Variants in CFAP299 observed in about 807,000 individuals in gnomAD.
CFAP299 encodes cilia- and flagella-associated protein 299.
A neutral mutation model predicts 27.0 loss-of-function variants in CFAP299; 21 were observed. The observed-to-expected ratio is 0.78, with a 90% CI of 0.55 to 1.12. The LOEUF (loss-of-function observed/expected upper bound fraction) is 1.12. Among genes scored for constraint, CFAP299 ranks in the 50% most tolerant of loss-of-function variants. The pLI, the probability that CFAP299 is intolerant of heterozygous loss-of-function variation, is 0.00. For synonymous variants in CFAP299, 104 were observed against 98.1 expected (o/e 1.06, Z -0.36); for missense variants, 310 against 276.6 (o/e 1.12, Z -0.86).
At chr4:80,917,633 C>T (rs1224599799) in intron 4 of CFAP299, among the ~76,000 whole-genome samples, 1 of 152,118 alleles carries the variant, frequency 6.6e-6, no homozygotes, top group African/African-American at 2.4e-5. Context: ...TAGTCACCAC[C>T]AGCAGTTGCC....
intron 2 of CFAP299, among the ~76,000 whole-genome samples, chr4:80,364,089 A>AACACACACACCCACACACACAC (rs371907109): frequency 9.0e-6 from 1 of 110,844 alleles, no homozygotes; most frequent in African/African-American, 3.8e-5. Context: ...TCCGTCTCAA[A>AACACACACACCCACACACACAC]ACACACACAC....
At chr4:80,883,796 G>A (rs919783019) in intron 4 of CFAP299, among the ~76,000 whole-genome samples, 1 of 152,108 alleles carries the variant, frequency 6.6e-6, no homozygotes, top group Admixed American at 6.6e-5. Flanking sequence ...GATTTGAAGG[G>A]AGAGATAGCA....
At chr4:80,567,825 A>G (rs1408875558) in intron 2 of CFAP299, among the ~76,000 whole-genome samples, 2 of 151,418 alleles carry the variant, frequency 1.3e-5, no homozygotes, top group Non-Finnish European at 1.5e-5. Flanking sequence ...CATAATTAGA[A>G]TGATGCTTGA....
At chr4:80,831,456 A>G (rs924581048) in intron 3 of CFAP299, among the ~76,000 whole-genome samples, 7 of 152,204 alleles carry the variant, frequency 4.6e-5, no homozygotes, top group African/African-American at 1.7e-4. Context: ...AAACTTCCCA[A>G]CGAGGCCAAT....
intron 2 of CFAP299, among the ~76,000 whole-genome samples, chr4:80,392,588 C>T (rs1360058367): frequency 2.0e-5 from 3 of 151,966 alleles, no homozygotes; most frequent in Non-Finnish European, 2.9e-5. Context: ...TCCTTGCTGC[C>T]GTCATGTGAA....
At chr4:80,932,476 C>T (rs78502106) in intron 4 of CFAP299, among the ~76,000 whole-genome samples, 5,817 of 151,938 alleles carry the variant, frequency 0.038, 221 homozygotes, top group African/African-American at 0.097. Flanking sequence ...AAAAAATTAG[C>T]CTATTACAGA....
intron 2 of CFAP299, among the ~76,000 whole-genome samples, chr4:80,454,458 C>T (rs1729052751): frequency 6.6e-6 from 1 of 152,086 alleles, no homozygotes; most frequent in South Asian, 2.1e-4. Context: ...GAGCAAATAC[C>T]TCAAATTCTG....
In CFAP299 at chr4:80,933,977, G is replaced by A. The variant is rs573218377; in HGVS notation, c.477-10833G>A. On this transcript the variant is annotated intron_variant, in intron 4 of 5. Coordinates refer to ENST00000358105, the MANE Select transcript of CFAP299 (RefSeq NM_152770.3). ...TTACAGCACTACATTGAATATAAAT[G>A]GTGAGAGTAGGCATCCTTGTCTTGT... Among the ~76,000 whole-genome samples the A allele has an allele frequency of 2.0e-3, 307 of 152,166 alleles. 1 individual carries two copies. Among genetic ancestry groups the A allele is most frequent in the Non-Finnish European group, 3.6e-3 (244 of 67,978 alleles).
At chr4:80,790,706 G>A (rs1373761365) in intron 3 of CFAP299, among the ~76,000 whole-genome samples, 1 of 151,954 alleles carries the variant, frequency 6.6e-6, no homozygotes, top group African/African-American at 2.4e-5. Context: ...AAATAAATGT[G>A]TTGTTTATAA....
chr4:80,420,178 G>C (rs1211099202), intron 2 of CFAP299: 1 of 455,990 alleles, frequency 2.2e-6, no homozygotes, highest in South Asian at 1.5e-5. Flanking sequence ...CTGTCAGAGG[G>C]AATAGATGGT....
chr4:80,574,560 A>T (rs930140532), intron 2 of CFAP299, among the ~76,000 whole-genome samples: 1 of 151,826 alleles, frequency 6.6e-6, no homozygotes, highest in Non-Finnish European at 1.5e-5. Flanking sequence ...AAGACTTTCA[A>T]TTTTTCCCCA....
chr4:80,692,607 A>G (rs1190823283), intron 3 of CFAP299, among the ~76,000 whole-genome samples: 1 of 152,156 alleles, frequency 6.6e-6, no homozygotes, highest in Non-Finnish European at 1.5e-5. Context: ...AAGAAAACCT[A>G]GGCATTACCA....
In CFAP299 at chr4:80,750,723, A is replaced by T. The variant is rs955101303; in HGVS notation, c.334-119270A>T. Among the ~76,000 whole-genome samples, 3 of 152,236 alleles carry T rather than the reference A, an allele frequency of 2.0e-5. No individual in the cohort carries two copies. In the East Asian group the frequency reaches 5.8e-4, roughly 29 times the overall value. ...TGATCATGTGGTGAAGATATCAGAT[A>T]AAAAATGTGCTTTGGATTTTGTGAG... On this transcript the variant is annotated intron_variant, in intron 3 of 5. Transcript: ENST00000358105.
intron 4 of CFAP299, chr4:80,871,456 T>C (rs1365307320): frequency 3.1e-5 from 31 of 985,342 alleles, no homozygotes; most frequent in Non-Finnish European, 3.4e-5. Context: ...TAATAACTTA[T>C]GGTTTCCAAA....
At chr4:80,530,536 C>G (rs1733413226) in intron 2 of CFAP299, among the ~76,000 whole-genome samples, 1 of 152,048 alleles carries the variant, frequency 6.6e-6, no homozygotes, top group South Asian at 2.1e-4. Flanking sequence ...TATTGAGTAT[C>G]TCCTATGTAA....
At chr4:80,644,476 C>T (rs998248713) in intron 3 of CFAP299, among the ~76,000 whole-genome samples, 2 of 152,100 alleles carry the variant, frequency 1.3e-5, no homozygotes, top group Non-Finnish European at 2.9e-5. Flanking sequence ...AGAACCTAGA[C>T]CTAACAATTT....
At chr4:80,954,685 G>A (rs149566326) in intron 5 of CFAP299, among the ~76,000 whole-genome samples, 28 of 152,026 alleles carry the variant, frequency 1.8e-4, no homozygotes, top group African/African-American at 5.5e-4. Flanking sequence ...ATATGCGGGG[G>A]GGACAACTTA....
chr4:80,360,575 C>T (rs2109995970), intron 1 of CFAP299, among the ~76,000 whole-genome samples: 1 of 152,184 alleles, frequency 6.6e-6, no homozygotes, highest in East Asian at 1.9e-4. Flanking sequence ...TTTAGGTTTT[C>T]CACAACAATA....
intron 1 of CFAP299, among the ~76,000 whole-genome samples, chr4:80,337,087 A>G (rs1309896033): frequency 6.6e-6 from 1 of 152,226 alleles, no homozygotes; most frequent in African/African-American, 2.4e-5. Flanking sequence ...TTATACAGAT[A>G]ATATATTTAA....
Sources: allele counts gnomAD v4.1 joint callset (sites outside exome capture counted in the v4.1 genomes callset), GRCh38; gene constraint gnomAD v4.1.1; transcripts MANE v1.5; gene names NCBI Gene and HGNC (gene_info 2026-07-23, HGNC 2026-07-21).